The following USP16 variants were observed in gnomAD, a reference collection of about 807,000 sequenced individuals.
The protein encoded by USP16 is ubiquitin carboxyl-terminal hydrolase 16.
Under a neutral mutation model 95.9 loss-of-function variants are expected in USP16, and 77 were observed. The observed-to-expected ratio is 0.80, with a 90% CI of 0.67 to 0.97. USP16 has a LOEUF of 0.97. Ranked by LOEUF, USP16 falls within the 50% of genes least tolerant of loss-of-function variation. The probability of loss-of-function intolerance (pLI) is 0.00; values close to 1 mark genes in which losing one functional copy is unlikely to be tolerated. For missense variants in USP16, 943 were observed against 959.9 expected, an observed-to-expected ratio of 0.98 and a Z score of 0.23; for synonymous variants, 303 against 318.2, an observed-to-expected ratio of 0.95 and a Z score of 0.51.
intron 17 of USP16, 49 bp from the exon 18 acceptor site, chr21:29,054,017 C>T: frequency 6.2e-7 from 1 of 1,612,738 alleles, no homozygotes; most frequent in Non-Finnish European, 8.5e-7. Context: ...AAAAAGTAAT[C>T]AACTTGAATC....
rs1174844771 is a variant in USP16 at position 29,040,645 on chromosome 21, TCTA to T, written c.991_993del (p.Thr331del). ...AGGAATACTTAAAGCATTTGGTAAT[TCTA>T]CTGAAAAGTTGGATGAAGAACTAAA... On this transcript the variant is annotated inframe_deletion, in exon 10 of 18. Coordinates refer to ENST00000399976, the MANE Select transcript of USP16 (RefSeq NM_006447.3). 1.3e-6 allele frequency: 2 copies of T among 1,546,798 alleles called. No homozygotes were observed. Among genetic ancestry groups the T allele is most frequent in the East Asian group, 2.3e-5 (1 of 43,324 alleles).
intron 4 of USP16, 116 bp downstream of exon 4, chr21:29,035,056 A>G (rs887063102): frequency 1.1e-6 from 1 of 928,820 alleles, no homozygotes; most frequent in African/African-American, 1.7e-5. Flanking sequence ...ATGTTTTAAA[A>G]TACCATCACT....
At chr21:29,041,949 C>A in intron 10 of USP16, 64 bp from the exon 11 acceptor site, 1 of 1,401,548 alleles carries the variant, frequency 7.1e-7, no homozygotes, top group Non-Finnish European at 9.9e-7. Flanking sequence ...GTAGTTTTAG[C>A]TTTTCTTGTT....
Position 29,054,140 on chromosome 21 carries a change from G to A in USP16, c.2425G>A (p.Val809Ile), listed in dbSNP as rs778258110. 4 of 1,614,020 alleles carry A rather than the reference G, an allele frequency of 2.5e-6. No homozygotes were observed. Among genetic ancestry groups the A allele is most frequent in the Non-Finnish European group, 3.4e-6 (4 of 1,180,002 alleles). ...TGTGCAAGCTGTGCCTACAACTAAA[G>A]TACTAAACTCACAAGCGTACCTCCT... ...THVQAVPTTKVLNSQAYLLFY... is the reference protein window; with the variant it reads ...THVQAVPTTKILNSQAYLLFY... Residue 809 changes from valine (V) to isoleucine (I), a missense_variant, in exon 18 of 18, where the codon GTA (valine) becomes ATA (isoleucine). Val to Ile is a conservative substitution (Grantham distance 29). Coordinates refer to ENST00000399976, the MANE Select transcript of USP16 (RefSeq NM_006447.3).
In USP16 at chr21:29,043,405, T is replaced by C; in HGVS notation, c.1180-18T>C. 7.0e-7 allele frequency: 1 copy of C among 1,432,844 alleles called. No homozygotes were observed. Among genetic ancestry groups the C allele is most frequent in the South Asian group, 1.7e-5 (1 of 57,178 alleles). The allele number at this position is 1,432,844 out of a possible 1,614,324, so 88.8% of individuals were successfully genotyped here. On this transcript the variant is annotated intron_variant, in intron 12 of 17. Coordinates refer to ENST00000399976, the MANE Select transcript of USP16 (RefSeq NM_006447.3). ...GTTGTAAAATTTTGTTTTTGACCTA[T>C]GTTATCTATATTTTAAGAGTGGTAA...
intron 6 of USP16, among the ~76,000 whole-genome samples, chr21:29,037,851 G>C (rs1568888833): frequency 6.7e-6 from 1 of 149,372 alleles, no homozygotes; most frequent in Non-Finnish European, 1.5e-5. Context: ...CACCCAAAGT[G>C]TTTGGATTAC....
intron 3 of USP16, among the ~76,000 whole-genome samples, chr21:29,032,135 C>A (rs1013378733): frequency 6.6e-6 from 1 of 152,178 alleles, no homozygotes. Context: ...CAGCCCCTGG[C>A]AACTACCATT....
intron 3 of USP16, among the ~76,000 whole-genome samples, chr21:29,031,739 A>G (rs2085080128): frequency 6.6e-6 from 1 of 152,218 alleles, no homozygotes; most frequent in South Asian, 2.1e-4. Flanking sequence ...GCGCCCAGCC[A>G]GGATTTTTTG....
chr21:29,048,936 A>T (rs771540658), intron 15 of USP16, 81 bp downstream of exon 15: 5 of 1,065,950 alleles, frequency 4.7e-6, no homozygotes, highest in Non-Finnish European at 6.9e-6. Flanking sequence ...GTCTCAACAT[A>T]CTACTTTGTT....
chr21:29,032,080 G>A (rs1245471208), intron 3 of USP16, among the ~76,000 whole-genome samples: 1 of 152,082 alleles, frequency 6.6e-6, no homozygotes, highest in Non-Finnish European at 1.5e-5. Context: ...CTCTTGTGTT[G>A]CCCTTGTATA....
At chr21:29,028,060 A>G (rs2085020309) in intron 2 of USP16, 86 bp downstream of exon 2, 1 of 966,098 alleles carries the variant, frequency 1.0e-6, no homozygotes, top group Non-Finnish European at 1.6e-6. Flanking sequence ...GCTGCATATT[A>G]TTGTTATATT....
In USP16 at chr21:29,034,926, CA is replaced by C; in HGVS notation, c.332del (p.Asn111ThrfsTer54). 6.2e-7 allele frequency: 1 copy of C among 1,613,874 alleles called. No individual in the cohort carries two copies. Among genetic ancestry groups the C allele is most frequent in the Non-Finnish European group, 8.5e-7 (1 of 1,179,816 alleles). On this transcript the variant is annotated frameshift_variant, in exon 4 of 18. Transcript: ENST00000399976. LOFTEE classifies it high-confidence loss of function. The part of the protein sequence containing the change: ...EPHCLVLSLD[N>X]WSVWCYVCDN... Reference sequence around the variant, plus strand: ...CTCACTGTCTGGTTCTTAGTTTGGACAACTGGAGTGTATGGTGAGTTTCAGT... The same window carrying C: ...CTCACTGTCTGGTTCTTAGTTTGGACACTGGAGTGTATGGTGAGTTTCAGT...
At chr21:29,038,263 G>T in intron 6 of USP16, 72 bp from the exon 7 acceptor site, 2 of 976,044 alleles carry the variant, frequency 2.0e-6, no homozygotes, top group South Asian at 1.5e-5. Context: ...TGATAGAATA[G>T]ACACTTAAGA....
At chr21:29,053,344 G>A (rs1340572868) in intron 16 of USP16, 1 of 156,046 alleles carries the variant, frequency 6.4e-6, no homozygotes, top group African/African-American at 2.4e-5. Context: ...ACACTTGAGA[G>A]GTTGAATGTG....
At chr21:29,028,853 T>A (rs1043374879) in intron 2 of USP16, among the ~76,000 whole-genome samples, 2 of 152,268 alleles carry the variant, frequency 1.3e-5, no homozygotes, top group East Asian at 3.8e-4. Context: ...AACTTTTTAG[T>A]ATTATGAATG....
chr21:29,045,378 C>T (rs1333594124), intron 13 of USP16, among the ~76,000 whole-genome samples: 1 of 152,124 alleles, frequency 6.6e-6, no homozygotes, highest in Admixed American at 6.5e-5. Context: ...TTCTTTTCCT[C>T]TATTTGGAAG....
Position 29,046,926 on chromosome 21 carries a change from AT to A in USP16, c.1617del (p.Asn539LysfsTer11). 6.2e-7 allele frequency: 1 copy of A among 1,614,182 alleles called. No individual in the cohort carries two copies. The highest frequency in any genetic ancestry group is 8.5e-7 in the Non-Finnish European group (1 of 1,180,012). ...QKSTEEVDMK[N>X]INMDNDLEVL... The stretch of plus-strand genomic sequence containing the variant: ...TCCACAGAGGAAGTAGATATGAAAA[AT>A]ATCAACATGGATAATGATCTGGAGG... On this transcript the variant is annotated frameshift_variant, in exon 14 of 18. Coordinates refer to ENST00000399976, the MANE Select transcript of USP16 (RefSeq NM_006447.3). LOFTEE classifies it high-confidence loss of function.
Position 29,042,061 on chromosome 21 carries a change from G to A in USP16, c.1079G>A (p.Gly360Asp). The change falls in exon 11 of 18, where the codon GGT becomes GAT. Residue 360 changes from glycine to aspartate, a missense_variant. By Grantham distance (94) the Gly-to-Asp change is moderately conservative. Coordinates refer to ENST00000399976, the MANE Select transcript of USP16 (RefSeq NM_006447.3). The stretch of plus-strand genomic sequence containing the variant: ...CCAAGTTTTGTTGACCGCATCTTTG[G>A]TGGTGAACTAACTAGTATGATCATG... ...SMPSFVDRIF[G>D]GELTSMIMCD... 1.9e-6 allele frequency: 3 copies of A among 1,613,354 alleles called. No homozygotes were observed. The highest frequency in any genetic ancestry group is 1.7e-6 in the Non-Finnish European group (2 of 1,179,636).
chr21:29,047,695 C>T (rs1047127501), intron 14 of USP16, among the ~76,000 whole-genome samples: 2 of 151,982 alleles, frequency 1.3e-5, no homozygotes, highest in African/African-American at 4.8e-5. Flanking sequence ...GTGCAAAGCA[C>T]TGGGAAGACA....
Sources: gnomAD v4.1 joint callset for allele counts (sites outside exome capture counted in the v4.1 genomes callset) on GRCh38, gnomAD v4.1.1 for gene constraint, MANE v1.5 for transcripts, NCBI Gene and HGNC (gene_info 2026-07-23, HGNC 2026-07-21) for gene names.